The following MCTP2 variants were observed in gnomAD, a reference collection of about 807,000 sequenced individuals.
The protein encoded by MCTP2 is multiple C2 and transmembrane domain containing 2.
In MCTP2, 132 loss-of-function variants were observed where a neutral mutation model predicts 111.6. The observed-to-expected ratio is 1.18, with a 90% confidence interval of 1.03 to 1.37. The LOEUF is 1.37. Ranked by LOEUF, MCTP2 falls within the 40% of genes most tolerant of loss-of-function variation. The pLI, the probability that MCTP2 is intolerant of heterozygous loss-of-function variation, is 0.00. For missense variants in MCTP2, 1,183 were observed against 1,067.9 expected (o/e 1.11, Z -1.50); for synonymous variants, 395 against 387.7 (o/e 1.02, Z -0.22).
chr15:94,275,065 G>A (rs184538116), intron 1 of MCTP2, among the ~76,000 whole-genome samples: 1 of 152,320 alleles, frequency 6.6e-6, no homozygotes, highest in Admixed American at 6.5e-5. Flanking sequence ...GAAATCATAT[G>A]ATCGCTTTGA....
intron 4 of MCTP2, among the ~76,000 whole-genome samples, chr15:94,329,252 A>G (rs184402632): frequency 6.6e-6 from 1 of 152,330 alleles, no homozygotes; most frequent in African/African-American, 2.4e-5. Context: ...TTCAAGGCTC[A>G]GCTCTGAACT....
At chr15:94,352,775 G>A (rs1029936215) in intron 8 of MCTP2, among the ~76,000 whole-genome samples, 3 of 152,300 alleles carry the variant, frequency 2.0e-5, no homozygotes, top group Middle Eastern at 6.8e-3. Flanking sequence ...GAAAAAAGGG[G>A]TGTTTGAAGA....
At chr15:94,382,320 T>C (rs1285459456) in intron 12 of MCTP2, among the ~76,000 whole-genome samples, 1 of 152,252 alleles carries the variant, frequency 6.6e-6, no homozygotes, top group African/African-American at 2.4e-5. Context: ...CTGTTTGATA[T>C]TATTTTAATA....
At chr15:94,244,239 C>A (rs1264687166) in intron 1 of MCTP2, among the ~76,000 whole-genome samples, 1 of 111,962 alleles carries the variant, frequency 8.9e-6, no homozygotes, top group Non-Finnish European at 2.0e-5. Flanking sequence ...TTTATATACA[C>A]GTGTATACAC....
At chr15:94,475,746 T>C (rs1044325252) in intron 21 of MCTP2, among the ~76,000 whole-genome samples, 3 of 152,090 alleles carry the variant, frequency 2.0e-5, no homozygotes, top group African/African-American at 2.4e-5. Flanking sequence ...GCTCCGGATA[T>C]AGTCAAAGCA....
intron 12 of MCTP2, among the ~76,000 whole-genome samples, chr15:94,373,440 C>T (rs1391912897): frequency 6.6e-6 from 1 of 151,950 alleles, no homozygotes; most frequent in Non-Finnish European, 1.5e-5. Context: ...TGTATATTAC[C>T]AGGATTATAT....
Position 94,367,622 on chromosome 15 carries a change from C to A in MCTP2, c.1319C>A (p.Ser440Ter). The A allele has an allele frequency of 6.2e-7, 1 of 1,610,960 alleles. No homozygotes were observed. Among genetic ancestry groups the A allele is most frequent in the Non-Finnish European group, 8.5e-7 (1 of 1,178,584 alleles). The change falls in exon 11 of 23, where the codon TCG becomes TAG. Residue 440 changes from serine to a stop codon, truncating the protein, a stop_gained. Transcript: ENST00000357742. LOFTEE classifies it high-confidence loss of function. ...TTTTCTAGGTGTAAAGTGGATATCT[C>A]GGCACTCCCTCTGAAGCAAGCCAAC... Reference protein sequence around the residue: ...ERLGTCKVDISALPLKQANCL... With the variant: ...ERLGTCKVDI
At position 94,437,366 on chromosome 15, in the gene MCTP2, G is replaced by A. The variant is rs1481867844; in HGVS notation, c.2086-2810G>A. Among the ~76,000 whole-genome samples, 3 of 151,760 alleles carry A rather than the reference G, an allele frequency of 2.0e-5. No individual in the cohort carries two copies. In the East Asian group the frequency reaches 5.8e-4, roughly 29 times the overall value. On this transcript the variant is annotated intron_variant, in intron 17 of 22. Coordinates refer to ENST00000357742, the MANE Select transcript of MCTP2 (RefSeq NM_001385001.1). ...AGAATGTGAATATATAAAAATTAGT[G>A]TTTCTGTACCCAGCATTAACAATTA... is the stretch of plus-strand genomic sequence containing the variant.
At chr15:94,288,435 C>G (rs560664132) in intron 1 of MCTP2, among the ~76,000 whole-genome samples, 1 of 152,290 alleles carries the variant, frequency 6.6e-6, no homozygotes, top group East Asian at 1.9e-4. Flanking sequence ...ACTGACCTTA[C>G]GTCCTATACA....
intron 20 of MCTP2, among the ~76,000 whole-genome samples, chr15:94,466,183 T>C (rs1016870092): frequency 6.6e-6 from 1 of 152,154 alleles, no homozygotes; most frequent in Non-Finnish European, 1.5e-5. Flanking sequence ...TTAAACATTA[T>C]GATTTAATAT....
chr15:94,356,745 G>T (rs1270128234), intron 9 of MCTP2, among the ~76,000 whole-genome samples: 3 of 152,114 alleles, frequency 2.0e-5, no homozygotes, highest in Non-Finnish European at 2.9e-5. Flanking sequence ...AGTATCTAGT[G>T]CTGCTGTTTT....
At position 94,329,420 on chromosome 15, in the gene MCTP2, G is replaced by A. The variant is rs114291830; in HGVS notation, c.638-9870G>A. Among the ~76,000 whole-genome samples, 11 of 152,184 alleles carry A rather than the reference G, an allele frequency of 7.2e-5. No homozygotes were observed. The East Asian group carries it at 1.2e-3, about 16-fold the overall frequency. On this transcript the variant is annotated intron_variant, in intron 4 of 22. Transcript: ENST00000357742. Reference sequence around the variant, plus strand: ...ATAAAGATAAAGAGCCGTCATTGACGCATGGTTCCACAGGCTGTACAGGAA... The same window carrying A: ...ATAAAGATAAAGAGCCGTCATTGACACATGGTTCCACAGGCTGTACAGGAA...
chr15:94,358,471 A>G lies in MCTP2; in HGVS notation c.1171-11A>G. 1.2e-6 allele frequency: 2 copies of G among 1,604,658 alleles called. No individual in the cohort carries two copies. Among genetic ancestry groups the G allele is most frequent in the Middle Eastern group, 1.7e-4 (1 of 5,986 alleles). On this transcript the variant is annotated splice_polypyrimidine_tract_variant and intron_variant, in intron 9 of 22. Coordinates refer to ENST00000357742, the MANE Select transcript of MCTP2 (RefSeq NM_001385001.1). ...TTAAGAAAATAAATATTATAACTGC[A>G]TGTTTTCTAGACACTGTGTAAGAGT...
At chr15:94,360,325 G>A (rs905477773) in intron 10 of MCTP2, among the ~76,000 whole-genome samples, 7 of 152,100 alleles carry the variant, frequency 4.6e-5, no homozygotes, top group Non-Finnish European at 7.4e-5. Flanking sequence ...ATGGCCTGTC[G>A]GATGACTTCT....
At chr15:94,390,591 C>A (rs2080897285) in intron 14 of MCTP2, among the ~76,000 whole-genome samples, 1 of 152,050 alleles carries the variant, frequency 6.6e-6, no homozygotes, top group Non-Finnish European at 1.5e-5. Flanking sequence ...ACCCAATGGA[C>A]CCATTTCAGA....
intron 1 of MCTP2, among the ~76,000 whole-genome samples, chr15:94,283,269 G>T (rs1231170641): frequency 6.6e-6 from 1 of 152,212 alleles, no homozygotes; most frequent in East Asian, 1.9e-4. Flanking sequence ...AGATCAGATT[G>T]TTCCTGTCCC....
chr15:94,435,273 C>A (rs889631852), intron 17 of MCTP2, among the ~76,000 whole-genome samples: 2 of 152,164 alleles, frequency 1.3e-5, no homozygotes, highest in Non-Finnish European at 2.9e-5. Context: ...AATACCAAAT[C>A]TTCCACTCCA....
chr15:94,342,141 G>C (rs185330524), intron 7 of MCTP2: 1 of 152,266 alleles, frequency 6.6e-6, no homozygotes, highest in African/African-American at 2.4e-5. Flanking sequence ...AGTGGGGCTT[G>C]TAAAGGTAGT....
chr15:94,251,291 A>G (rs1259689471), intron 1 of MCTP2, among the ~76,000 whole-genome samples: 1 of 152,218 alleles, frequency 6.6e-6, no homozygotes, highest in Non-Finnish European at 1.5e-5. Context: ...AACTTGGCTT[A>G]AAATTAATAA....
Sources: allele counts gnomAD v4.1 joint callset (sites outside exome capture counted in the v4.1 genomes callset), GRCh38; gene constraint gnomAD v4.1.1; transcripts MANE v1.5; gene names NCBI Gene and HGNC (gene_info 2026-07-23, HGNC 2026-07-21).